Variants in PACRG observed in about 807,000 individuals in gnomAD.
PACRG encodes the protein parkin coregulated.
PACRG carries 29 observed loss-of-function variants against 29.7 expected under a neutral mutation model. That is an observed-to-expected ratio of 0.98 (90% CI 0.73 to 1.33). The LOEUF is 1.33. PACRG is among the 40% of genes most tolerant of loss of function. PACRG has a pLI of 0.00. For synonymous variants in PACRG, 116 were observed against 118.7 expected (o/e 0.98, Z 0.15); for missense variants, 279 against 316.2 (o/e 0.88, Z 0.89).
rs1786016242 is a variant in PACRG at position 162,803,085 on chromosome 6, G to T, written c.157-11062G>T. Among the ~76,000 whole-genome samples, 6 of 152,080 alleles carry T rather than the reference G, an allele frequency of 3.9e-5. No homozygotes were observed. The South Asian group carries it at 1.2e-3, about 32-fold the overall frequency. ...CAGTTGTTCAGTGACCCCCCAAGTT[G>T]TTTACCCCACAGGTATTGCAAGCTT... On this transcript the variant is annotated intron_variant, in intron 1 of 4. Coordinates refer to ENST00000366888, the MANE Select transcript of PACRG (RefSeq NM_001080379.2).
intron 2 of PACRG, among the ~76,000 whole-genome samples, chr6:162,855,701 C>T (rs544563414): frequency 1.3e-5 from 2 of 152,268 alleles, no homozygotes; most frequent in South Asian, 2.1e-4. Context: ...ATCGTCCCAG[C>T]GGTGTGTGTT....
At chr6:162,990,349 C>A (rs1207416985) in intron 2 of PACRG, among the ~76,000 whole-genome samples, 1 of 151,666 alleles carries the variant, frequency 6.6e-6, no homozygotes, top group Non-Finnish European at 1.5e-5. Context: ...TTTACAATCC[C>A]ACCAACAGTG....
chr6:163,312,409 C>T (rs989390119), intron 4 of PACRG, among the ~76,000 whole-genome samples: 1 of 152,120 alleles, frequency 6.6e-6, no homozygotes, highest in African/African-American at 2.4e-5. Flanking sequence ...TCTTCCTTAA[C>T]ATCTTTTCTT....
chr6:163,201,087 T>G (rs887028733), intron 4 of PACRG, among the ~76,000 whole-genome samples: 1 of 152,240 alleles, frequency 6.6e-6, no homozygotes. Flanking sequence ...TGTTTATTAT[T>G]TCTTAACTTG....
chr6:162,759,426 T>C (rs977428892), intron 1 of PACRG, among the ~76,000 whole-genome samples: 4 of 152,230 alleles, frequency 2.6e-5, no homozygotes, highest in Non-Finnish European at 5.9e-5. Flanking sequence ...CTTCTGAGAA[T>C]ATTCTTGGTC....
chr6:163,290,254 A>G (rs530120204), intron 4 of PACRG, among the ~76,000 whole-genome samples: 4 of 149,572 alleles, frequency 2.7e-5, no homozygotes, highest in East Asian at 2.1e-4. Flanking sequence ...TCATACGCAC[A>G]TGTGCGCATG....
intron 2 of PACRG, among the ~76,000 whole-genome samples, chr6:162,943,603 G>A (rs1342449790): frequency 6.6e-6 from 1 of 152,108 alleles, no homozygotes; most frequent in Non-Finnish European, 1.5e-5. Flanking sequence ...GCCTACCACA[G>A]CCAGTGCCTG....
At chr6:163,274,285 T>C (rs1366290300) in intron 4 of PACRG, among the ~76,000 whole-genome samples, 1 of 152,142 alleles carries the variant, frequency 6.6e-6, no homozygotes, top group African/African-American at 2.4e-5. Context: ...GCAGTGTTTG[T>C]TTATTTTGTC....
intron 1 of PACRG, among the ~76,000 whole-genome samples, chr6:162,786,251 G>A (rs573601855): frequency 6.6e-6 from 1 of 152,320 alleles, no homozygotes; most frequent in Non-Finnish European, 1.5e-5. Flanking sequence ...TGGGTCTTCT[G>A]TGAAGACTGA....
intron 2 of PACRG, among the ~76,000 whole-genome samples, chr6:162,837,921 A>G (rs1789376136): frequency 6.6e-6 from 1 of 152,182 alleles, no homozygotes; most frequent in Non-Finnish European, 1.5e-5. Flanking sequence ...GTGATTTTGA[A>G]AATAAATACA....
At chr6:163,081,600 A>G (rs562645373) in intron 3 of PACRG, among the ~76,000 whole-genome samples, 13 of 152,168 alleles carry the variant, frequency 8.5e-5, no homozygotes, top group Admixed American at 2.0e-4. Flanking sequence ...CTACAAATAT[A>G]AAAAAATTAG....
intron 2 of PACRG, among the ~76,000 whole-genome samples, chr6:162,850,866 G>A (rs577331451): frequency 1.3e-5 from 2 of 152,210 alleles, no homozygotes; most frequent in African/African-American, 2.4e-5. Flanking sequence ...TCTGGAGGCC[G>A]AGACTTGCAA....
At position 163,131,302 on chromosome 6, in the gene PACRG, ACT is replaced by A. The variant is rs536367650; in HGVS notation, c.613+41897_613+41898del. 7.0e-4 allele frequency among the ~76,000 whole-genome samples: 101 copies of A among 145,044 alleles called. 1 individual carries two copies. The highest frequency in any genetic ancestry group is 7.1e-3 in the Middle Eastern group (2 of 280). ...ACTCCAGCCTGGGCGACAGAGCGAG[ACT>A]CTGTCTCAAACAAAAAAAAAAAAAA... On this transcript the variant is annotated intron_variant, in intron 4 of 4. Transcript: ENST00000366888.
At chr6:162,931,934 T>C (rs577605612) in intron 2 of PACRG, among the ~76,000 whole-genome samples, 1 of 152,156 alleles carries the variant, frequency 6.6e-6, no homozygotes, top group South Asian at 2.1e-4. Flanking sequence ...AGAAAATGTA[T>C]GTTCATACAA....
At chr6:163,248,768 G>C (rs1301812186) in intron 4 of PACRG, among the ~76,000 whole-genome samples, 1 of 152,118 alleles carries the variant, frequency 6.6e-6, no homozygotes, top group East Asian at 1.9e-4. Context: ...TTAAGACGAA[G>C]CTGAGGGAGG....
chr6:163,121,009 A>C (rs1235724758), intron 4 of PACRG, among the ~76,000 whole-genome samples: 1 of 152,218 alleles, frequency 6.6e-6, no homozygotes, highest in African/African-American at 2.4e-5. Flanking sequence ...TTCTAAATTC[A>C]AGAGCTAATA....
At chr6:163,041,345 AT>A (rs1252177764) in intron 2 of PACRG, among the ~76,000 whole-genome samples, 35 of 152,142 alleles carry the variant, frequency 2.3e-4, no homozygotes, top group Admixed American at 9.2e-4. Flanking sequence ...TCAAAAAAAA[AT>A]AAAAATAAAA....
At chr6:163,057,610 C>T (rs1017241940) in intron 2 of PACRG, among the ~76,000 whole-genome samples, 1 of 152,132 alleles carries the variant, frequency 6.6e-6, no homozygotes. Flanking sequence ...GACAGGGTCT[C>T]AATATGTTGT....
Position 162,865,789 on chromosome 6 carries a change from A to AT in PACRG, c.291+51518dup, listed in dbSNP as rs561637110. Among the ~76,000 whole-genome samples the AT allele has an allele frequency of 3.9e-3, 582 of 150,582 alleles. 3 individuals carry two copies. The highest frequency in any genetic ancestry group is 0.013 in the African/African-American group (525 of 41,068). On this transcript the variant is annotated intron_variant, in intron 2 of 4. Transcript: ENST00000366888. ...CTAAATAGAACCTTTAATTTACTAGATTTTTTTTTTCTTTTTGCTCTACTT... is the reference window on the plus strand; with the variant it reads ...CTAAATAGAACCTTTAATTTACTAGATTTTTTTTTTTCTTTTTGCTCTACTT...
Sources: gnomAD v4.1 joint callset for allele counts (sites outside exome capture counted in the v4.1 genomes callset) on GRCh38, gnomAD v4.1.1 for gene constraint, MANE v1.5 for transcripts, NCBI Gene and HGNC (gene_info 2026-07-23, HGNC 2026-07-21) for gene names.